The following SLC4A4 variants were observed in gnomAD, a reference collection of about 807,000 sequenced individuals.
SLC4A4 encodes solute carrier family 4 member 4, also known as electrogenic sodium bicarbonate cotransporter 1.
A neutral mutation model predicts 111.5 loss-of-function variants in SLC4A4; 27 were observed. The observed-to-expected ratio is 0.24, with a 90% CI of 0.18 to 0.33. SLC4A4 has a LOEUF of 0.33. Among genes scored for constraint, SLC4A4 ranks in the 10% least tolerant of loss-of-function variants. The pLI is 1.00. For missense variants in SLC4A4, 909 were observed against 1,315.5 expected (o/e 0.69, Z 4.78); for synonymous variants, 443 against 463.4 (o/e 0.96, Z 0.57).
chr4:71,064,335 T>C (rs1158139126), intron 1 of SLC4A4, among the ~76,000 whole-genome samples: 1 of 152,214 alleles, frequency 6.6e-6, no homozygotes, highest in Non-Finnish European at 1.5e-5. Flanking sequence ...CTTAACTGCT[T>C]GATGGTAGAG....
chr4:71,424,122 A>G (rs1247502286), intron 7 of SLC4A4, among the ~76,000 whole-genome samples: 4 of 152,146 alleles, frequency 2.6e-5, no homozygotes, highest in African/African-American at 9.7e-5. Context: ...CAGAATCTAC[A>G]ATGAACTCAA....
chr4:71,071,754 G>A (rs72648745), intron 1 of SLC4A4, among the ~76,000 whole-genome samples: 6,211 of 152,212 alleles, frequency 0.041, 242 homozygotes, highest in Non-Finnish European at 0.045. Flanking sequence ...GATACATATA[G>A]ATTTGCCTTA....
chr4:71,399,497 CCCTTCCTT>C (rs936431970), intron 7 of SLC4A4, among the ~76,000 whole-genome samples: 2 of 141,354 alleles, frequency 1.4e-5, no homozygotes, highest in African/African-American at 5.3e-5. Flanking sequence ...CTCCCTCCCT[CCCTTCCTT>C]CCTTCCTTCC....
At chr4:71,480,108 A>C (rs914507430) in intron 14 of SLC4A4, among the ~76,000 whole-genome samples, 3 of 150,816 alleles carry the variant, frequency 2.0e-5, no homozygotes, top group African/African-American at 7.3e-5. Flanking sequence ...TGCAACTTCA[A>C]ACTACTGGGC....
At position 71,085,231 on chromosome 4, in the gene SLC4A4, C is replaced by T. The variant is rs554525958; in HGVS notation, c.-64-7499C>T. On this transcript the variant is annotated intron_variant, in intron 1 of 26. Transcript: ENST00000649996. ...TTGAAAAGTGTCTGTTCATATCCTT[C>T]GCCCACTTTTTGATGGGTTTGTTTG... Among the ~76,000 whole-genome samples, 340 of 152,088 alleles carry T rather than the reference C, an allele frequency of 2.2e-3. 10 individuals carry two copies. Among genetic ancestry groups the T allele is most frequent in the African/African-American group, 7.2e-3 (298 of 41,368 alleles).
chr4:71,135,383 C>T (rs1490818771), intron 2 of SLC4A4, among the ~76,000 whole-genome samples: 1 of 150,372 alleles, frequency 6.7e-6, no homozygotes, highest in Admixed American at 6.7e-5. Flanking sequence ...GCAACCTCAG[C>T]CTCCCGGGTT....
At chr4:71,146,830 C>T (rs1488649496) in intron 2 of SLC4A4, among the ~76,000 whole-genome samples, 3 of 152,190 alleles carry the variant, frequency 2.0e-5, no homozygotes, top group African/African-American at 7.2e-5. Flanking sequence ...ACTGCATCAA[C>T]TAATGAGCAA....
chr4:71,117,176 T>A (rs1310730391), intron 2 of SLC4A4, among the ~76,000 whole-genome samples: 1 of 151,962 alleles, frequency 6.6e-6, no homozygotes, highest in Non-Finnish European at 1.5e-5. Flanking sequence ...GGGAAAGAAT[T>A]TTGCTATGTT....
At chr4:71,185,523 A>T (rs2148990220), upstream of SLC4A4, among the ~76,000 whole-genome samples, 1 of 152,338 alleles carries the variant, frequency 6.6e-6, no homozygotes, top group South Asian at 2.1e-4. Context: ...AGAATGTGTG[A>T]ACATATATGT....
chr4:71,555,787 A>G (rs1421818670), intron 21 of SLC4A4, among the ~76,000 whole-genome samples: 1 of 151,940 alleles, frequency 6.6e-6, no homozygotes, highest in African/African-American at 2.4e-5. Flanking sequence ...TTTTAATCTC[A>G]GCTACTTGGG....
At chr4:71,264,396 A>G (rs1578707015) in intron 3 of SLC4A4, among the ~76,000 whole-genome samples, 1 of 152,214 alleles carries the variant, frequency 6.6e-6, no homozygotes, top group East Asian at 1.9e-4. Context: ...CACAAAGACC[A>G]CAAGATAAAC....
intron 2 of SLC4A4, among the ~76,000 whole-genome samples, chr4:71,242,235 A>G (rs1272792327): frequency 1.3e-5 from 2 of 152,246 alleles, no homozygotes. Flanking sequence ...GTGTTTGGCA[A>G]GGATCCAGAA....
At position 71,437,191 on chromosome 4, in the gene SLC4A4, CTTGAGTCCCTATGCTGT is replaced by C. The variant is rs532976298; in HGVS notation, c.808-3424_808-3408del. On this transcript the variant is annotated intron_variant, in intron 7 of 25. Transcript: ENST00000264485. The stretch of plus-strand genomic sequence containing the variant: ...ATTGACTCCACTCCACACAGGAATA[CTTGAGTCCCTATGCTGT>C]CCAAGAATCCACCTATGACAGCTTT... 1.1e-3 allele frequency: 457 copies of C among 421,962 alleles called. 3 individuals carry two copies. Among genetic ancestry groups the C allele is most frequent in the Non-Finnish European group, 3.7e-4 (81 of 217,754 alleles). The allele number at this position is 421,962 out of a possible 1,614,324, so 26.1% of individuals were successfully genotyped here.
intron 20 of SLC4A4, among the ~76,000 whole-genome samples, chr4:71,553,036 G>A (rs1172750989): frequency 6.6e-6 from 1 of 151,802 alleles, no homozygotes; most frequent in Non-Finnish European, 1.5e-5. Flanking sequence ...CAATAATTCT[G>A]TCAAGTTTCA....
chr4:71,160,432 C>G (rs1441224798), intron 2 of SLC4A4, among the ~76,000 whole-genome samples: 1 of 151,642 alleles, frequency 6.6e-6, no homozygotes, highest in Non-Finnish European at 1.5e-5. Flanking sequence ...TGTAATTCTT[C>G]TATTATACAT....
intron 5 of SLC4A4, 137 bp from the exon 6 acceptor site, chr4:71,356,871 A>G: frequency 1.3e-6 from 1 of 766,834 alleles, no homozygotes; most frequent in Non-Finnish European, 2.1e-6. Flanking sequence ...TATCTTTTAC[A>G]TAAAATGGGA....
chr4:71,550,616 G>A (rs1450280441), intron 20 of SLC4A4, among the ~76,000 whole-genome samples: 2 of 151,822 alleles, frequency 1.3e-5, no homozygotes, highest in Admixed American at 6.6e-5. Context: ...TTACTTAAGA[G>A]TCTGTCTTTG....
intron 7 of SLC4A4, among the ~76,000 whole-genome samples, chr4:71,430,862 C>T (rs1723581618): frequency 6.6e-6 from 1 of 152,098 alleles, no homozygotes; most frequent in South Asian, 2.1e-4. Context: ...AGGTTTCATC[C>T]CTGTGATTGG....
chr4:71,293,078 T>G (rs1724501633), intron 3 of SLC4A4, among the ~76,000 whole-genome samples: 2 of 150,536 alleles, frequency 1.3e-5, no homozygotes, highest in Admixed American at 6.6e-5. Flanking sequence ...CCTGACCTTG[T>G]GATCCACCCG....
Sources: gnomAD v4.1 joint callset for allele counts (sites outside exome capture counted in the v4.1 genomes callset) on GRCh38, gnomAD v4.1.1 for gene constraint, MANE v1.5 for transcripts, NCBI Gene and HGNC (gene_info 2026-07-23, HGNC 2026-07-21) for gene names.